Variants in RGSL1 observed in about 807,000 individuals in gnomAD.
RGSL1 encodes the protein regulator of G protein signaling protein-like.
In RGSL1, 97 loss-of-function variants were observed where a neutral mutation model predicts 124.7. The observed-to-expected ratio is 0.78, with a 90% CI of 0.66 to 0.92. The LOEUF is 0.92. RGSL1 is among the 40% of genes least tolerant of loss of function. The pLI, the probability that RGSL1 is intolerant of heterozygous loss-of-function variation, is 0.00. For missense variants in RGSL1, 1,233 were observed against 1,288.4 expected (o/e 0.96, Z 0.66); for synonymous variants, 424 against 438.1 (o/e 0.97, Z 0.40).
At position 182,460,019 on chromosome 1, in the gene RGSL1, G is replaced by T. The variant is rs1479560858; in HGVS notation, c.187G>T (p.Gly63Trp). ...TTGACTCTAGATTGCCAAATACAAA[G>T]GGTTATTGACCTGGTTGGAAAAATG... ...IPCNLIAKYK[G>W]LLTWLEKCRL... Residue 63 changes from glycine (G) to tryptophan (W), a missense_variant, in exon 4 of 22, where the codon GGG (glycine) becomes TGG (tryptophan). Physicochemically the swap from Gly to Trp is radical, Grantham distance 184 (BLOSUM62 -2). Coordinates refer to ENST00000294854, the MANE Select transcript of RGSL1 (RefSeq NM_001137669.2). The T allele has an allele frequency of 1.9e-6, 3 of 1,551,274 alleles. No individual in the cohort carries two copies. In the African/African-American group the frequency reaches 4.1e-5, roughly 21 times the overall value.
chr1:182,449,368 C>T (rs924225931), upstream of RGSL1: 1 of 152,170 alleles, frequency 6.6e-6, no homozygotes, highest in African/African-American at 2.4e-5. Flanking sequence ...TCCCTCCACC[C>T]CCCATAGGAA....
intron 6 of RGSL1, among the ~76,000 whole-genome samples, chr1:182,487,122 C>T (rs1048427447): frequency 6.6e-6 from 1 of 152,136 alleles, no homozygotes; most frequent in African/African-American, 2.4e-5. Flanking sequence ...GATTCAATCA[C>T]TGAACTGAAT....
At chr1:182,487,066 GTTTA>G (rs1039651602) in intron 6 of RGSL1, among the ~76,000 whole-genome samples, 6 of 152,196 alleles carry the variant, frequency 3.9e-5, no homozygotes, top group South Asian at 2.1e-4. Context: ...TATATTTACA[GTTTA>G]TTTATTAATG....
At chr1:182,540,108 C>A (rs1384329896) in intron 14 of RGSL1, 139 bp from the exon 15 acceptor site, 2 of 766,292 alleles carry the variant, frequency 2.6e-6, no homozygotes, top group Non-Finnish European at 3.9e-6. Context: ...AAAGGTTGAG[C>A]CCAATGGCAG....
chr1:182,523,664 C>T (rs1052347168), intron 10 of RGSL1, among the ~76,000 whole-genome samples: 49 of 152,108 alleles, frequency 3.2e-4, no homozygotes, highest in African/African-American at 1.2e-3. Context: ...CTCAGGGATA[C>T]CACAGCTGCA....
Position 182,540,414 on chromosome 1 carries a change from A to G in RGSL1, c.2662A>G (p.Met888Val). 1.3e-6 allele frequency: 2 copies of G among 1,550,050 alleles called. No individual in the cohort carries two copies. The highest frequency in any genetic ancestry group is 1.2e-5 in the South Asian group (1 of 83,790). ...CAATGATCTATATTTCTTTTCTGAA[A>G]TGGAGAAGTAAGTTTTCCACTTCTC... ...AINDLYFFSEMEKFNDLVSSA... is the reference protein window; with the variant it reads ...AINDLYFFSEVEKFNDLVSSA... The change falls in exon 15 of 22, where the codon ATG becomes GTG. Residue 888 changes from methionine to valine, a missense_variant. Met to Val is a conservative substitution (Grantham distance 21, BLOSUM62 1). Coordinates refer to ENST00000294854, the MANE Select transcript of RGSL1 (RefSeq NM_001137669.2).
At chr1:182,540,471 T>C (rs1659825050) in intron 15 of RGSL1, 50 bp downstream of exon 15, 2 of 1,504,444 alleles carry the variant, frequency 1.3e-6, no homozygotes, top group Non-Finnish European at 1.8e-6. Context: ...CTTTTCATCC[T>C]TAGGACTGCC....
chr1:182,551,038 C>A (rs1021735505), intron 17 of RGSL1, 62 bp from the exon 18 acceptor site: 5 of 1,121,188 alleles, frequency 4.5e-6, no homozygotes, highest in Middle Eastern at 2.0e-4. Context: ...CCCCTGTGCT[C>A]GGTGCTCCAG....
At chr1:182,456,775 G>A (rs1156714812) in intron 2 of RGSL1, among the ~76,000 whole-genome samples, 1 of 152,210 alleles carries the variant, frequency 6.6e-6, no homozygotes, top group Admixed American at 6.5e-5. Context: ...AGTAGTTCAT[G>A]TTGAATACTC....
intron 6 of RGSL1, among the ~76,000 whole-genome samples, chr1:182,486,864 G>A (rs1212804854): frequency 3.3e-5 from 5 of 151,928 alleles, no homozygotes; most frequent in Non-Finnish European, 5.9e-5. Context: ...TAGTAGAGAC[G>A]GGGTTTCTCC....
chr1:182,559,718 T>C (rs945449051), intron 21 of RGSL1, among the ~76,000 whole-genome samples: 3 of 152,120 alleles, frequency 2.0e-5, no homozygotes, highest in Admixed American at 1.3e-4. Context: ...CTTTTTCCTC[T>C]CTCTATCTCA....
intron 9 of RGSL1, among the ~76,000 whole-genome samples, chr1:182,506,831 T>C (rs1034418364): frequency 6.6e-6 from 1 of 152,232 alleles, no homozygotes; most frequent in Non-Finnish European, 1.5e-5. Flanking sequence ...ACATAATTTG[T>C]AAAGATAAAA....
In RGSL1 at chr1:182,532,021, G is replaced by C. The variant is rs145482203; in HGVS notation, c.2365-641G>C. Among the ~76,000 whole-genome samples the C allele has an allele frequency of 7.2e-3, 1,103 of 152,212 alleles. 15 individuals carry two copies. Among genetic ancestry groups the C allele is most frequent in the Middle Eastern group, 0.027 (8 of 294 alleles). ...TACTTCACTGCTTTCTGTCTAAAGC[G>C]AGGCTTATGTTGTTTCCCTCTCTGT... On this transcript the variant is annotated intron_variant, in intron 13 of 21. Transcript: ENST00000294854.
chr1:182,512,027 C>T (rs1467368523), intron 9 of RGSL1, among the ~76,000 whole-genome samples: 1 of 151,442 alleles, frequency 6.6e-6, no homozygotes, highest in Non-Finnish European at 1.5e-5. Context: ...TTTTATTTTC[C>T]AGATTGTTCA....
rs181232144 is a variant in RGSL1, at chr1:182,456,598, G to A, written c.97-1721G>A. The stretch of plus-strand genomic sequence containing the variant: ...CAGGCGTAAGCCTCCACGCCTGGCC[G>A]AGAAGTAATCTTAAGACCCGTTAAT... On this transcript the variant is annotated intron_variant, in intron 2 of 21. Coordinates refer to ENST00000294854, the MANE Select transcript of RGSL1 (RefSeq NM_001137669.2). Among the ~76,000 whole-genome samples the A allele has an allele frequency of 5.3e-5, 8 of 152,198 alleles. No individual in the cohort carries two copies. In the East Asian group the frequency reaches 1.4e-3, roughly 26 times the overall value.
At chr1:182,498,308 T>TGTATATGCCTCCCAGGTAC (rs1553263970) in intron 9 of RGSL1, among the ~76,000 whole-genome samples, 1 of 151,066 alleles carries the variant, frequency 6.6e-6, no homozygotes, top group Non-Finnish European at 1.5e-5. Flanking sequence ...CTTGCTTTTT[T>TGTATATGCCTCCCAGGTAC]GTATATGCCT....
chr1:182,458,311 T>C lies in RGSL1; in HGVS notation c.97-8T>C. 6.4e-7 allele frequency: 1 copy of C among 1,551,300 alleles called. No individual in the cohort carries two copies. Among genetic ancestry groups the C allele is most frequent in the Non-Finnish European group, 8.7e-7 (1 of 1,146,420 alleles). Reference sequence around the variant, plus strand: ...CTCCCTTGACTGTTTCCTAGCTTTGTTTTGCAGGTTTTTGGTCAGACACCA... The same window carrying C: ...CTCCCTTGACTGTTTCCTAGCTTTGCTTTGCAGGTTTTTGGTCAGACACCA... On this transcript the variant is annotated splice_polypyrimidine_tract_variant and splice_region_variant and intron_variant, in intron 2 of 21. Transcript: ENST00000294854.
intron 14 of RGSL1, among the ~76,000 whole-genome samples, chr1:182,538,067 C>A (rs1659659479): frequency 6.6e-6 from 1 of 152,172 alleles, no homozygotes; most frequent in South Asian, 2.1e-4. Flanking sequence ...GAGTAGGGCT[C>A]ACTCATTTTT....
At chr1:182,453,599 T>A (rs1383526659) in intron 1 of RGSL1, 2 of 174,370 alleles carry the variant, frequency 1.1e-5, no homozygotes, top group Admixed American at 5.8e-5. Context: ...GGAAGCACTG[T>A]CCCTTTTAAG....
Sources: gnomAD v4.1 joint callset for allele counts (sites outside exome capture counted in the v4.1 genomes callset) on GRCh38, gnomAD v4.1.1 for gene constraint, MANE v1.5 for transcripts, NCBI Gene and HGNC (gene_info 2026-07-23, HGNC 2026-07-21) for gene names.